RAD51B: variants seen among roughly 807,000 people sequenced by gnomAD.
RAD51B encodes the protein RAD51 paralog B, also known as DNA repair protein RAD51 homolog 2.
Under a neutral mutation model 42.2 loss-of-function variants are expected in RAD51B, and 38 were observed. The observed-to-expected ratio is 0.90, with a 90% confidence interval of 0.70 to 1.18. RAD51B has a LOEUF of 1.18. RAD51B is among the 50% of genes most tolerant of loss of function. RAD51B has a pLI of 0.00. For synonymous variants in RAD51B, 154 were observed against 145.2 expected (o/e 1.06, Z -0.43); for missense variants, 373 against 400.7 (o/e 0.93, Z 0.59).
intron 7 of RAD51B, among the ~76,000 whole-genome samples, chr14:67,914,051 C>T (rs899415038): frequency 2.6e-5 from 4 of 151,582 alleles, no homozygotes; most frequent in Admixed American, 6.6e-5. Flanking sequence ...GGCATGATCT[C>T]GGCTCACTGC....
chr14:68,377,965 T>A (rs530121459), intron 8 of RAD51B, among the ~76,000 whole-genome samples: 58 of 152,340 alleles, frequency 3.8e-4, no homozygotes, highest in South Asian at 2.1e-3. Flanking sequence ...AAAAGTCATT[T>A]AAAAAAATAA....
At chr14:68,391,158 C>CTTTCTTTA (rs1231852552) in intron 8 of RAD51B, among the ~76,000 whole-genome samples, 1 of 151,330 alleles carries the variant, frequency 6.6e-6, no homozygotes, top group Non-Finnish European at 1.5e-5. Flanking sequence ...TTCTTTCTTT[C>CTTTCTTTA]TTTCTTTCTT....
rs771999788 is a variant in RAD51B, at chr14:67,885,936, A to G, written c.520A>G (p.Ser174Gly). The change falls in exon 6 of 11, where the codon AGT becomes GGT. Residue 174 changes from serine (S) to glycine (G), a missense_variant. Transcript: ENST00000471583. ...FNTEEKLLLT[S>G]SKVHLYRELT... is the part of the protein sequence containing the mutation. ...CACTGAAGAAAAGTTACTTTTGACA[A>G]GTAGTAAAGTTCATCTTTATCGGGA... The G allele has an allele frequency of 1.3e-5, 21 of 1,607,210 alleles. No homozygotes were observed. The highest frequency in any genetic ancestry group is 1.8e-5 in the Non-Finnish European group (21 of 1,175,208).
Position 68,577,411 on chromosome 14 carries a change from GA to G in RAD51B, c.1037-17072del, listed in dbSNP as rs565362116. ...CCCAGCCTCAAAAAGGAATAACCAA[GA>G]ACAACCCTCTCTCCCTCCTTTAGTT... On this transcript the variant is annotated intron_variant, in intron 10 of 10. Coordinates refer to the RAD51B transcript ENST00000487270. Among the ~76,000 whole-genome samples, 43 of 151,854 alleles carry G rather than the reference GA, an allele frequency of 2.8e-4. 2 individuals are homozygous for G. In the East Asian group the frequency reaches 8.3e-3, roughly 29 times the overall value.
At chr14:68,108,696 A>T (rs750605699) in intron 7 of RAD51B, among the ~76,000 whole-genome samples, 2 of 151,928 alleles carry the variant, frequency 1.3e-5, no homozygotes, top group African/African-American at 2.4e-5. Context: ...GATATTGGTG[A>T]TGGTTATAAA....
intron 9 of RAD51B, among the ~76,000 whole-genome samples, chr14:68,415,031 CAAAAAAAAAAA>C (rs71129885): frequency 0.011 from 356 of 32,516 alleles, 6 homozygotes; most frequent in African/African-American, 0.035. Context: ...GACTCTGTCT[CAAAAAAAAAAA>C]AAAAAAAAAA....
chr14:68,612,242 G>A (rs1891707166), downstream of RAD51B, among the ~76,000 whole-genome samples: 1 of 152,226 alleles, frequency 6.6e-6, no homozygotes, highest in African/African-American at 2.4e-5. Flanking sequence ...ATGGGGCCCA[G>A]GAGACAGACT....
At chr14:68,430,314 A>G (rs988137845) in intron 9 of RAD51B, among the ~76,000 whole-genome samples, 2 of 152,190 alleles carry the variant, frequency 1.3e-5, no homozygotes, top group Non-Finnish European at 2.9e-5. Context: ...TGGGGATGGC[A>G]TTGAATCTAT....
intron 4 of RAD51B, among the ~76,000 whole-genome samples, chr14:67,864,060 A>AG (rs138327373): frequency 6.6e-6 from 1 of 151,476 alleles, no homozygotes; most frequent in African/African-American, 2.4e-5. Flanking sequence ...AGAGAGAGAG[A>AG]AAGAGAAAGT....
chr14:68,669,470 T>C (rs1249408497), intron 11 of RAD51B, among the ~76,000 whole-genome samples: 2 of 152,142 alleles, frequency 1.3e-5, no homozygotes, highest in Admixed American at 6.5e-5. Context: ...GACTTTTGGA[T>C]GAGAAACAGG....
chr14:68,239,303 G>T (rs1343599612), intron 7 of RAD51B, among the ~76,000 whole-genome samples: 1 of 152,094 alleles, frequency 6.6e-6, no homozygotes, highest in Admixed American at 6.6e-5. Context: ...TACCAGCACA[G>T]CCACTCTTGA....
chr14:68,551,370 C>G (rs1888563405), intron 10 of RAD51B, among the ~76,000 whole-genome samples: 1 of 152,238 alleles, frequency 6.6e-6, no homozygotes, highest in African/African-American at 2.4e-5. Context: ...GCCCAAGCAG[C>G]AGATTTCTCC....
intron 10 of RAD51B, among the ~76,000 whole-genome samples, chr14:68,585,455 G>C (rs764955811): frequency 6.6e-6 from 1 of 152,188 alleles, no homozygotes; most frequent in African/African-American, 2.4e-5. Flanking sequence ...CCCCAGGCGG[G>C]AGGCTGATGG....
At chr14:67,892,534 A>G (rs2043251665) in intron 7 of RAD51B, among the ~76,000 whole-genome samples, 1 of 152,188 alleles carries the variant, frequency 6.6e-6, no homozygotes. Context: ...GCCATTCCCA[A>G]AAAAGGCCTC....
At chr14:68,225,213 C>T (rs2080012762) in intron 7 of RAD51B, among the ~76,000 whole-genome samples, 1 of 152,164 alleles carries the variant, frequency 6.6e-6, no homozygotes, top group Non-Finnish European at 1.5e-5. Context: ...TTAGATACCA[C>T]TGAATTATTT....
chr14:68,015,267 A>G (rs2075758188), intron 7 of RAD51B, among the ~76,000 whole-genome samples: 2 of 152,218 alleles, frequency 1.3e-5, no homozygotes, highest in Non-Finnish European at 2.9e-5. Context: ...TCACTTATTA[A>G]AAGCATGACA....
rs2082885047 is a variant in RAD51B, at chr14:68,355,694, T to G, written c.854-55730T>G. Reference sequence around the variant, plus strand: ...AATGACTAAAAGTACAAAGGAAAAATGGAAAAGTCAATTTAAATCCTACTG... The same window carrying G: ...AATGACTAAAAGTACAAAGGAAAAAGGGAAAAGTCAATTTAAATCCTACTG... On this transcript the variant is annotated intron_variant, in intron 8 of 10. Transcript: ENST00000471583. Among the ~76,000 whole-genome samples the G allele has an allele frequency of 2.0e-5, 3 of 152,228 alleles. No homozygotes were observed. The South Asian group carries it at 6.2e-4, about 32-fold the overall frequency.
At chr14:68,608,077 G>A (rs1477252026) in intron 10 of RAD51B, among the ~76,000 whole-genome samples, 5 of 152,168 alleles carry the variant, frequency 3.3e-5, no homozygotes, top group South Asian at 2.1e-4. Context: ...TGCTGAGGGC[G>A]GTAGGCCTGA....
At chr14:68,369,882 T>C (rs1185789456) in intron 8 of RAD51B, among the ~76,000 whole-genome samples, 1 of 152,224 alleles carries the variant, frequency 6.6e-6, no homozygotes, top group Non-Finnish European at 1.5e-5. Context: ...TTCTATTTTG[T>C]GCTGCAAAAA....
Sources: gnomAD v4.1 joint callset for allele counts (sites outside exome capture counted in the v4.1 genomes callset) on GRCh38, gnomAD v4.1.1 for gene constraint, MANE v1.5 for transcripts, NCBI Gene and HGNC (gene_info 2026-07-23, HGNC 2026-07-21) for gene names.